Variants in PTPRE observed in about 807,000 individuals in gnomAD.
PTPRE encodes protein tyrosine phosphatase receptor type E.
PTPRE carries 51 observed loss-of-function variants against 102.0 expected under a neutral mutation model. The ratio of observed to expected loss-of-function variants is 0.50; its 90% CI spans 0.40 to 0.63. The LOEUF (loss-of-function observed/expected upper bound fraction) is 0.63, where lower values mean the gene tolerates loss of function less well. PTPRE is among the 30% of genes least tolerant of loss of function. The pLI, the probability that PTPRE is intolerant of heterozygous loss-of-function variation, is 0.00. For missense variants in PTPRE, 752 were observed against 915.1 expected (o/e 0.82, Z 2.30); for synonymous variants, 345 against 348.2 (o/e 0.99, Z 0.10).
intron 1 of PTPRE, among the ~76,000 whole-genome samples, chr10:127,932,574 T>C (rs1452395872): frequency 1.3e-5 from 2 of 152,238 alleles, no homozygotes; most frequent in Non-Finnish European, 2.9e-5. Flanking sequence ...TTTACTCTGC[T>C]TTCCCTGCAG....
chr10:127,968,009 G>GGTTGT (rs1554903008), intron 1 of PTPRE, among the ~76,000 whole-genome samples: 1 of 143,134 alleles, frequency 7.0e-6, no homozygotes, highest in Non-Finnish European at 1.5e-5. Flanking sequence ...TTGCTCTATA[G>GGTTGT]GTGTGTGTGT....
intron 17 of PTPRE, among the ~76,000 whole-genome samples, chr10:128,074,849 C>A (rs10764744): frequency 7.2e-5 from 11 of 151,990 alleles, no homozygotes; most frequent in Admixed American, 2.6e-4. Context: ...GACTGTTTTC[C>A]TCAGTAGCTG....
At chr10:128,076,071 C>T (rs909619846) in intron 17 of PTPRE, among the ~76,000 whole-genome samples, 3 of 152,154 alleles carry the variant, frequency 2.0e-5, no homozygotes, top group Admixed American at 6.5e-5. Flanking sequence ...ATTGTTGCAT[C>T]GTGATTGGTT....
intron 1 of PTPRE, among the ~76,000 whole-genome samples, chr10:127,954,885 G>T (rs902005253): frequency 1.3e-5 from 2 of 151,804 alleles, no homozygotes; most frequent in Non-Finnish European, 2.9e-5. Flanking sequence ...TGGCCTAGAG[G>T]TCTTAGTTCC....
chr10:127,915,807 A>G (rs1449088677), intron 1 of PTPRE, among the ~76,000 whole-genome samples: 1 of 151,840 alleles, frequency 6.6e-6, no homozygotes, highest in Admixed American at 6.6e-5. Flanking sequence ...CCTACAGTAT[A>G]TAGAGGATCT....
chr10:127,942,869 A>G (rs1848347989), intron 1 of PTPRE, among the ~76,000 whole-genome samples: 1 of 152,226 alleles, frequency 6.6e-6, no homozygotes, highest in South Asian at 2.1e-4. Context: ...GAAATGTTCA[A>G]TTTCATTTTA....
intron 2 of PTPRE, among the ~76,000 whole-genome samples, chr10:128,001,946 C>T (rs906614798): frequency 3.9e-5 from 6 of 152,186 alleles, no homozygotes; most frequent in African/African-American, 1.4e-4. Context: ...ACCCCATGAC[C>T]CTTTGGCAGC....
At chr10:128,059,154 T>C (rs1027109681) in intron 7 of PTPRE, among the ~76,000 whole-genome samples, 1 of 152,266 alleles carries the variant, frequency 6.6e-6, no homozygotes, top group Non-Finnish European at 1.5e-5. Flanking sequence ...TTTCTATAGC[T>C]GTCCTCAAAG....
chr10:128,074,592 G>A (rs1851064145), intron 17 of PTPRE, among the ~76,000 whole-genome samples: 1 of 152,106 alleles, frequency 6.6e-6, no homozygotes, highest in Non-Finnish European at 1.5e-5. Context: ...GCTTGAACCT[G>A]GGAGGCAGAG....
intron 2 of PTPRE, among the ~76,000 whole-genome samples, chr10:128,013,114 G>A (rs909224505): frequency 1.3e-5 from 2 of 152,072 alleles, no homozygotes; most frequent in Non-Finnish European, 2.9e-5. Flanking sequence ...TTGGGTTACT[G>A]CTGTGCTGCA....
chr10:128,041,477 GTC>G (rs1847689845), intron 3 of PTPRE, among the ~76,000 whole-genome samples: 1 of 151,912 alleles, frequency 6.6e-6, no homozygotes, highest in African/African-American at 2.4e-5. Flanking sequence ...GTGAAACCCT[GTC>G]TCTACTAAAA....
At chr10:127,969,074 CCTTT>C (rs1476499266) in intron 1 of PTPRE, among the ~76,000 whole-genome samples, 3 of 152,204 alleles carry the variant, frequency 2.0e-5, no homozygotes, top group African/African-American at 7.2e-5. Context: ...GGAGAATTCC[CCTTT>C]CTATTTCCAT....
chr10:128,076,473 T>C, intron 17 of PTPRE, 130 bp from the exon 18 acceptor site: 1 of 874,522 alleles, frequency 1.1e-6, no homozygotes, highest in Non-Finnish European at 1.6e-6. Context: ...TATATTCATA[T>C]TCATATGTTT....
At chr10:127,917,706 A>G (rs1369858925) in intron 1 of PTPRE, among the ~76,000 whole-genome samples, 2 of 152,034 alleles carry the variant, frequency 1.3e-5, no homozygotes, top group African/African-American at 4.8e-5. Flanking sequence ...TACACTGTAC[A>G]TTCTTAGGGT....
At chr10:128,049,385 G>A (rs909292237) in intron 5 of PTPRE, 145 bp from the exon 6 acceptor site, 13 of 1,031,062 alleles carry the variant, frequency 1.3e-5, no homozygotes, top group Admixed American at 7.3e-5. Context: ...CTCGGGACCC[G>A]GCTTAGCCCA....
chr10:128,044,090 G>A (rs1421167069), intron 3 of PTPRE, among the ~76,000 whole-genome samples: 2 of 152,184 alleles, frequency 1.3e-5, no homozygotes, highest in African/African-American at 2.4e-5. Flanking sequence ...GCATATTTAT[G>A]AACGTAAATT....
chr10:128,062,415 G>C (rs142963897), intron 9 of PTPRE, among the ~76,000 whole-genome samples: 12 of 152,366 alleles, frequency 7.9e-5, no homozygotes, highest in Admixed American at 5.2e-4. Flanking sequence ...GAAACCTGAC[G>C]ATCCTGGCTG....
intron 1 of PTPRE, among the ~76,000 whole-genome samples, chr10:127,963,705 C>T (rs114659713): frequency 2.7e-4 from 41 of 152,124 alleles, no homozygotes; most frequent in African/African-American, 9.9e-4. Flanking sequence ...TGCGTGCGTG[C>T]ACACACACGT....
chr10:128,042,862 A>G (rs1033669387), intron 3 of PTPRE, among the ~76,000 whole-genome samples: 1 of 152,274 alleles, frequency 6.6e-6, no homozygotes, highest in Non-Finnish European at 1.5e-5. Context: ...AAAAGAACAC[A>G]GTCGAAAAAT....
Sources: gnomAD v4.1 joint callset for allele counts (sites outside exome capture counted in the v4.1 genomes callset) on GRCh38, gnomAD v4.1.1 for gene constraint, MANE v1.5 for transcripts, NCBI Gene and HGNC (gene_info 2026-07-23, HGNC 2026-07-21) for gene names.